The following SLC36A4 variants were observed in gnomAD, a reference collection of about 807,000 sequenced individuals.
SLC36A4 encodes the protein solute carrier family 36 member 4, also known as neutral amino acid uniporter 4.
SLC36A4 carries 49 observed loss-of-function variants against 50.5 expected under a neutral mutation model. The observed-to-expected ratio is 0.97, with a 90% CI of 0.77 to 1.23. The LOEUF is 1.23. Ranked by LOEUF, SLC36A4 falls within the 50% of genes most tolerant of loss-of-function variation. The probability of loss-of-function intolerance (pLI) is 0.00; values close to 1 mark genes in which losing one functional copy is unlikely to be tolerated. For synonymous variants in SLC36A4, 207 were observed against 206.5 expected (o/e 1.00, Z -0.02); for missense variants, 611 against 608.4 (o/e 1.00, Z -0.05).
At chr11:93,171,027 G>A (rs1200035904) in intron 6 of SLC36A4, 1 of 151,942 alleles carries the variant, frequency 6.6e-6, no homozygotes, top group African/African-American at 2.4e-5. Context: ...ATTGTATAAT[G>A]CTATCAAATG....
chr11:93,178,756 G>C (rs1861605162), intron 6 of SLC36A4, among the ~76,000 whole-genome samples: 2 of 152,286 alleles, frequency 1.3e-5, no homozygotes, highest in South Asian at 4.1e-4. Flanking sequence ...ATGGGGAAAA[G>C]TTTAAAGCAT....
chr11:93,184,589 A>C, intron 2 of SLC36A4, 69 bp from the exon 3 acceptor site: 1 of 920,072 alleles, frequency 1.1e-6, no homozygotes, highest in East Asian at 2.5e-5. Flanking sequence ...TCATGGTTTT[A>C]GTACTAGAAG....
At chr11:93,171,863 T>A (rs1390376960) in intron 6 of SLC36A4, 4 of 152,118 alleles carry the variant, frequency 2.6e-5, no homozygotes, top group African/African-American at 9.7e-5. Flanking sequence ...TAACAAGTAA[T>A]GCTAATGGAA....
At chr11:93,168,979 AAC>A (rs1861010064) in intron 6 of SLC36A4, among the ~76,000 whole-genome samples, 1 of 152,126 alleles carries the variant, frequency 6.6e-6, no homozygotes, top group Non-Finnish European at 1.5e-5. Flanking sequence ...GGACTTTAGA[AAC>A]AGTCTTAAAA....
intron 6 of SLC36A4, among the ~76,000 whole-genome samples, chr11:93,169,833 T>G (rs1316265279): frequency 6.6e-6 from 1 of 152,132 alleles, no homozygotes; most frequent in African/African-American, 2.4e-5. Context: ...AACATTCTAG[T>G]AACTAAATTA....
intron 1 of SLC36A4, 111 bp downstream of exon 1, chr11:93,197,667 G>C (rs1862485896): frequency 1.7e-6 from 2 of 1,152,796 alleles, no homozygotes; most frequent in African/African-American, 1.6e-5. Flanking sequence ...GTTAGCAATC[G>C]GGCCTCAACT....
intron 1 of SLC36A4, among the ~76,000 whole-genome samples, chr11:93,189,895 C>T (rs1437148154): frequency 6.6e-6 from 1 of 151,974 alleles, no homozygotes; most frequent in Non-Finnish European, 1.5e-5. Flanking sequence ...TAAAATAAAC[C>T]TGGAAATCTA....
At chr11:93,173,946 A>T (rs1861321807) in intron 6 of SLC36A4, among the ~76,000 whole-genome samples, 1 of 144,158 alleles carries the variant, frequency 6.9e-6, no homozygotes, top group Non-Finnish European at 1.5e-5. Context: ...TTTTGGTTCC[A>T]TATGAACTTT....
At chr11:93,152,497 A>G (rs1860139868) in intron 10 of SLC36A4, 1 of 152,158 alleles carries the variant, frequency 6.6e-6, no homozygotes, top group Admixed American at 6.6e-5. Context: ...TCTCCAAGGC[A>G]TATCCCATAT....
intron 7 of SLC36A4, chr11:93,166,387 G>A (rs530370342): frequency 5.0e-6 from 5 of 994,562 alleles, no homozygotes; most frequent in Admixed American, 5.9e-5. Context: ...AACCACTGCT[G>A]CTGGTGCCTA....
chr11:93,196,836 G>A (rs1862450304), intron 1 of SLC36A4, among the ~76,000 whole-genome samples: 1 of 152,172 alleles, frequency 6.6e-6, no homozygotes, highest in South Asian at 2.1e-4. Flanking sequence ...CTATAAAATG[G>A]AAATCATGAT....
At position 93,144,312 on chromosome 11, in the gene SLC36A4, C is replaced by G. The variant is rs1016935179; in HGVS notation, c.*4225G>C. On this transcript the variant is annotated 3_prime_UTR_variant, in exon 11 of 11. Transcript: ENST00000326402. The stretch of plus-strand genomic sequence containing the variant: ...TAGGTTTCATTCAAACTAACAAAAT[C>G]ATTTTGAAAAACAAAAATCCACCCA... 1.3e-5 allele frequency: 2 copies of G among 151,998 alleles called. No homozygotes were observed. The highest frequency in any genetic ancestry group is 4.8e-5 in the African/African-American group (2 of 41,420). The allele number at this position is 151,998 out of a possible 1,614,324, so 9.4% of individuals were successfully genotyped here. A position where few individuals can be genotyped will look rare whatever the true frequency, so the allele number is the denominator to read the frequency against.
chr11:93,148,967 T>C lies in SLC36A4; in HGVS notation c.1208-123A>G, dbSNP rs1859955921. On this transcript the variant is annotated intron_variant, in intron 10 of 10. Transcript: ENST00000326402. Reference sequence around the variant, plus strand: ...AAATAATTAATGAAAGTTGAACTACTAAACTATTGCTTGTGAAAAAAATCT... The same window carrying C: ...AAATAATTAATGAAAGTTGAACTACCAAACTATTGCTTGTGAAAAAAATCT... 3 of 1,042,752 alleles carry C rather than the reference T, an allele frequency of 2.9e-6. No individual in the cohort carries two copies. In the Admixed American group the frequency reaches 8.6e-5, roughly 30 times the overall value. The allele number at this position is 1,042,752 out of a possible 1,614,324, so 64.6% of individuals were successfully genotyped here. A position where few individuals can be genotyped will look rare whatever the true frequency, so the allele number is the denominator to read the frequency against.
chr11:93,168,668 A>C (rs1011561001), intron 6 of SLC36A4, among the ~76,000 whole-genome samples: 8 of 152,018 alleles, frequency 5.3e-5, no homozygotes, highest in African/African-American at 1.9e-4. Flanking sequence ...CTAACCTTAA[A>C]ACTCTTATAA....
chr11:93,154,348 TTAAGA>T, intron 9 of SLC36A4, 71 bp from the exon 10 acceptor site: 1 of 721,072 alleles, frequency 1.4e-6, no homozygotes, highest in Non-Finnish European at 2.0e-6. Context: ...ATTTTTAATA[TTAAGA>T]TAAATAAGAA....
In SLC36A4 at chr11:93,147,740, C is replaced by A. The variant is rs1474236620; in HGVS notation, c.*797G>T. ...GACATGATGTGAGAAATAAAACATC[C>A]TGGCCTGGGAGTCAGAAGATTAGGT... On this transcript the variant is annotated 3_prime_UTR_variant, in exon 11 of 11. Coordinates refer to ENST00000326402, the MANE Select transcript of SLC36A4 (RefSeq NM_152313.4). 2 of 152,040 alleles carry A rather than the reference C, an allele frequency of 1.3e-5. No homozygotes were observed. Among genetic ancestry groups the A allele is most frequent in the African/African-American group, 4.8e-5 (2 of 41,404 alleles). 9.4% of individuals were successfully genotyped at this position (152,040 alleles called of 1,614,324 possible).
chr11:93,161,434 A>C (rs1424918921), intron 9 of SLC36A4, among the ~76,000 whole-genome samples: 4 of 152,228 alleles, frequency 2.6e-5, no homozygotes, highest in African/African-American at 4.8e-5. Context: ...ATGTTAGCTG[A>C]AGTTAAATTG....
chr11:93,163,799 T>C (rs1438866370), intron 8 of SLC36A4, among the ~76,000 whole-genome samples: 1 of 152,064 alleles, frequency 6.6e-6, no homozygotes, highest in African/African-American at 2.4e-5. Context: ...TGTATGTATG[T>C]ATGTATATTA....
At chr11:93,197,038 TATA>T (rs970771626) in intron 1 of SLC36A4, among the ~76,000 whole-genome samples, 30 of 152,370 alleles carry the variant, frequency 2.0e-4, no homozygotes, top group African/African-American at 6.5e-4. Context: ...ATCAGTTACT[TATA>T]ATACGGTATT....
Sources: allele counts gnomAD v4.1 joint callset (sites outside exome capture counted in the v4.1 genomes callset), GRCh38; gene constraint gnomAD v4.1.1; transcripts MANE v1.5; gene names NCBI Gene and HGNC (gene_info 2026-07-23, HGNC 2026-07-21).